Variants in CACNA1D observed in about 807,000 individuals in gnomAD.
The protein encoded by CACNA1D is calcium voltage-gated channel subunit alpha1 D.
Under a neutral mutation model 257.1 loss-of-function variants are expected in CACNA1D, and 55 were observed. The ratio of observed to expected loss-of-function variants is 0.21; its 90% CI spans 0.17 to 0.27. CACNA1D has a LOEUF of 0.27. Among genes scored for constraint, CACNA1D ranks in the 10% least tolerant of loss-of-function variants. The probability of loss-of-function intolerance (pLI) is 1.00; values close to 1 mark genes in which losing one functional copy is unlikely to be tolerated. For synonymous variants in CACNA1D, 980 were observed against 1,014.9 expected, an observed-to-expected ratio of 0.97 and a Z score of 0.65; for missense variants, 1,876 against 2,784.0, an observed-to-expected ratio of 0.67 and a Z score of 7.34.
At chr3:53,739,923 G>A (rs886791057) in intron 20 of CACNA1D, among the ~76,000 whole-genome samples, 3 of 152,366 alleles carry the variant, frequency 2.0e-5, no homozygotes, top group Non-Finnish European at 2.9e-5. Context: ...TCGAAAATGT[G>A]TATAAGCCTC....
At chr3:53,542,903 T>C (rs578145453) in intron 3 of CACNA1D, among the ~76,000 whole-genome samples, 27 of 151,916 alleles carry the variant, frequency 1.8e-4, no homozygotes, top group African/African-American at 5.6e-4. Context: ...AAATACAAAA[T>C]CAGCTGGGCG....
At chr3:53,743,973 C>T (rs952678207) in intron 22 of CACNA1D, among the ~76,000 whole-genome samples, 1 of 152,204 alleles carries the variant, frequency 6.6e-6, no homozygotes, top group African/African-American at 2.4e-5. Context: ...TTTGCATTAA[C>T]ATCTTTGCAG....
intron 9 of CACNA1D, among the ~76,000 whole-genome samples, chr3:53,703,473 T>G (rs1255726657): frequency 6.6e-6 from 1 of 152,190 alleles, no homozygotes; most frequent in African/African-American, 2.4e-5. Context: ...ATTGCCATTG[T>G]CAACCACGGT....
chr3:53,751,750 G>T lies in CACNA1D; in HGVS notation c.3518G>T (p.Arg1173Leu), dbSNP rs756577309. 1 of 1,614,156 alleles carries T rather than the reference G, an allele frequency of 6.2e-7. No individual in the cohort carries two copies. The highest frequency in any genetic ancestry group is 8.5e-7 in the Non-Finnish European group (1 of 1,180,008). ...YKNCELDKNQ[R>L]QCVEYALKAR... ...TTCTGCCCTTTTCTGCTGTTGCAGC[G>T]TCAGTGTGTTGAATACGCCTTGAAA... The change falls in exon 28 of 48, where the codon CGT becomes CTT. Residue 1173 changes from arginine (R) to leucine (L), a missense_variant and splice_region_variant. By Grantham distance (102) the Arg-to-Leu change is moderately radical (BLOSUM62 -2). This residue lies in a region of CACNA1D where 204 missense variants were observed against 309.4 expected (regional missense o/e 0.66). Coordinates refer to ENST00000350061, the MANE Select transcript of CACNA1D (RefSeq NM_001128840.3). This position sits in a 1 kb window ranked among gnomAD's most constrained non-coding sequence, Gnocchi z 4.3.
At chr3:53,660,863 T>C (rs1270304917) in intron 5 of CACNA1D, among the ~76,000 whole-genome samples, 2 of 152,098 alleles carry the variant, frequency 1.3e-5, no homozygotes, top group Non-Finnish European at 2.9e-5. Context: ...AGTGAGATAA[T>C]GGAGGGAGAG....
At chr3:53,660,325 C>T (rs758047806) in intron 5 of CACNA1D, 50 bp downstream of exon 5, 1 of 1,597,148 alleles carries the variant, frequency 6.3e-7, no homozygotes. Context: ...TTTTTTCTTC[C>T]AGGTGGGTTT....
intron 3 of CACNA1D, among the ~76,000 whole-genome samples, chr3:53,541,163 A>G (rs56403138): frequency 0.011 from 1,622 of 152,340 alleles, 31 homozygotes; most frequent in African/African-American, 0.037. Context: ...AATTCTAAAC[A>G]TGGGAACTTC....
intron 29 of CACNA1D, among the ~76,000 whole-genome samples, chr3:53,755,196 G>A (rs929340037): frequency 6.6e-6 from 1 of 152,200 alleles, no homozygotes; most frequent in African/African-American, 2.4e-5. Flanking sequence ...AATGCAACAT[G>A]GAACCTCTCT....
chr3:53,600,871 G>A (rs1465361267), intron 3 of CACNA1D, among the ~76,000 whole-genome samples: 1 of 152,154 alleles, frequency 6.6e-6, no homozygotes, highest in Non-Finnish European at 1.5e-5. Flanking sequence ...ACTTGGTTCT[G>A]AATGATTGAA....
In CACNA1D at chr3:53,667,820, A is replaced by AGT. The variant is rs143864310; in HGVS notation, c.1116+1300_1116+1301dup. ...TTTTTCTGATTGTCATAGGAGTGTG[A>AGT]GTGTGTGTGTGTGTGTATGCATGTG... On this transcript the variant is annotated intron_variant, in intron 7 of 47. Coordinates refer to ENST00000350061, the MANE Select transcript of CACNA1D (RefSeq NM_001128840.3). Among the ~76,000 whole-genome samples the AGT allele has an allele frequency of 1.6e-3, 229 of 147,356 alleles. 2 individuals are homozygous for AGT. The highest frequency in any genetic ancestry group is 4.0e-3 in the African/African-American group (160 of 39,644).
At chr3:53,532,255 C>T (rs755653443) in intron 3 of CACNA1D, among the ~76,000 whole-genome samples, 1 of 152,180 alleles carries the variant, frequency 6.6e-6, no homozygotes, top group Non-Finnish European at 1.5e-5. Flanking sequence ...CTGTGTCCTG[C>T]AGGGGGATCT....
In CACNA1D at chr3:53,708,028, C is replaced by A. The variant is rs182697435; in HGVS notation, c.1390+5218C>A. Among the ~76,000 whole-genome samples, 385 of 152,308 alleles carry A rather than the reference C, an allele frequency of 2.5e-3. 1 individual carries two copies. Among genetic ancestry groups the A allele is most frequent in the East Asian group, 0.01 (52 of 5,178 alleles). On this transcript the variant is annotated intron_variant, in intron 9 of 47. Coordinates refer to ENST00000350061, the MANE Select transcript of CACNA1D (RefSeq NM_001128840.3). ...GTGGTCCTGGAGGCTATGGGCACTGCCCCTGCCTGCCCGGGGACTCTGCCA... is the reference window on the plus strand; with the variant it reads ...GTGGTCCTGGAGGCTATGGGCACTGACCCTGCCTGCCCGGGGACTCTGCCA...
chr3:53,749,477 T>G lies in CACNA1D; in HGVS notation c.3516+8T>G. On this transcript the variant is annotated splice_region_variant and intron_variant, in intron 27 of 47. Transcript: ENST00000350061. Reference sequence around the variant, plus strand: ...GAGCTGGACAAAAATCAGGTTAAAGTCACACACTGTTTTGGCTTCTGTCCC... The same window carrying G: ...GAGCTGGACAAAAATCAGGTTAAAGGCACACACTGTTTTGGCTTCTGTCCC... 6.3e-7 allele frequency: 1 copy of G among 1,598,640 alleles called. No homozygotes were observed. The highest frequency in any genetic ancestry group is 8.6e-7 in the Non-Finnish European group (1 of 1,165,908).
intron 3 of CACNA1D, among the ~76,000 whole-genome samples, chr3:53,585,752 C>T (rs1048340634): frequency 2.0e-5 from 3 of 152,136 alleles, no homozygotes; most frequent in South Asian, 2.1e-4. Context: ...GGCTGGTCCA[C>T]GCAGACAGGG....
In CACNA1D at chr3:53,664,124, G is replaced by A. The variant is rs182057980; in HGVS notation, c.767-1536G>A. ...AGACCACATTTCAGCTTCAGGACAC[G>A]TCTACCTTAATGTTACATAATACCA... On this transcript the variant is annotated intron_variant, in intron 5 of 47. Transcript: ENST00000350061. Among the ~76,000 whole-genome samples the A allele has an allele frequency of 1.2e-4, 19 of 152,240 alleles. No homozygotes were observed. The East Asian group carries it at 1.3e-3, about 11-fold the overall frequency.
chr3:53,811,303 A>G lies in CACNA1D; in HGVS notation c.6383A>G (p.Tyr2128Cys), dbSNP rs780793573. ...GGCCCCCTCTCACACCGGCAGGACT[A>G]TGAGCTACAGGACTTTGGTCCTGGC... ...DVGPLSHRQD[Y>C]ELQDFGPGYS... The change falls in exon 48 of 48, where the codon TAT becomes TGT. Residue 2128 changes from tyrosine to cysteine, a missense_variant. Coordinates refer to ENST00000350061, the MANE Select transcript of CACNA1D (RefSeq NM_001128840.3). The surrounding 1 kb of genome is among the most constrained non-coding windows in gnomAD (Gnocchi z 4.2). 4.3e-6 allele frequency: 7 copies of G among 1,613,556 alleles called. No homozygotes were observed. The highest frequency in any genetic ancestry group is 5.9e-6 in the Non-Finnish European group (7 of 1,179,910).
chr3:53,530,476 T>C (rs1455070676), intron 3 of CACNA1D: 1 of 152,220 alleles, frequency 6.6e-6, no homozygotes, highest in African/African-American at 2.4e-5. Flanking sequence ...GGGGGAGTTA[T>C]TGTCTCACAT....
intron 3 of CACNA1D, among the ~76,000 whole-genome samples, chr3:53,541,089 A>G (rs2092285842): frequency 6.6e-6 from 1 of 152,200 alleles, no homozygotes. Context: ...CTTGTTTAAA[A>G]TTGTGCTGCA....
chr3:53,756,794 A>G (rs1394074069), intron 29 of CACNA1D, among the ~76,000 whole-genome samples: 1 of 152,144 alleles, frequency 6.6e-6, no homozygotes, highest in African/African-American at 2.4e-5. Context: ...ACTTCTGTGG[A>G]GTAAGAAGAG....
Sources: gnomAD v4.1 joint callset for allele counts (sites outside exome capture counted in the v4.1 genomes callset) on GRCh38, gnomAD v4.1.1 for gene constraint, gnomAD v4.1.1 regional missense constraint, Gnocchi (gnomAD v3.1) non-coding constraint, MANE v1.5 for transcripts, NCBI Gene and HGNC (gene_info 2026-07-23, HGNC 2026-07-21) for gene names.